The following HYDIN variants were observed in gnomAD, a reference collection of about 807,000 sequenced individuals.
HYDIN encodes the protein HYDIN axonemal central pair apparatus protein.
HYDIN carries 132 observed loss-of-function variants against 403.9 expected under a neutral mutation model. The ratio of observed to expected loss-of-function variants is 0.33; its 90% CI spans 0.28 to 0.38. The LOEUF is 0.38. HYDIN is among the 10% of genes least tolerant of loss of function. The pLI is 1.00. For synonymous variants in HYDIN, 1,202 were observed against 1,891.7 expected (o/e 0.64, Z 9.46); for missense variants, 2,827 against 5,009.5 (o/e 0.56, Z 13.15).
intron 23 of HYDIN, among the ~76,000 whole-genome samples, 162 bp from the exon 24 acceptor site, chr16:70,992,372 A>C (rs1438429895): frequency 2.9e-5 from 4 of 136,458 alleles, no homozygotes; most frequent in Non-Finnish European, 4.6e-5. Context: ...GCCTTCTTCA[A>C]ATCTCAGCTA....
intron 21 of HYDIN, among the ~76,000 whole-genome samples, chr16:71,021,005 GT>G (rs1275700586): frequency 2.0e-5 from 3 of 150,860 alleles, no homozygotes; most frequent in African/African-American, 7.3e-5. Flanking sequence ...TAAAAAGTTA[GT>G]TATATCTTAT....
rs930649993 is a variant in HYDIN at position 70,907,067 on chromosome 16, T to C, written c.8516+305A>G. 3.9e-5 allele frequency among the ~76,000 whole-genome samples: 6 copies of C among 152,142 alleles called. No individual in the cohort carries two copies. The South Asian group carries it at 1.0e-3, about 26-fold the overall frequency. ...GCTGTATAACCTATTCTCTGCTTCA[T>C]GTAACTACAGAAATATCTTCCCAGC... is the stretch of plus-strand genomic sequence containing the variant. On this transcript the variant is annotated intron_variant, in intron 50 of 85. Coordinates refer to ENST00000393567, the MANE Select transcript of HYDIN (RefSeq NM_001270974.2).
At chr16:70,887,934 CG>C (rs2041240780) in intron 58 of HYDIN, among the ~76,000 whole-genome samples, 1 of 152,324 alleles carries the variant, frequency 6.6e-6, no homozygotes, top group East Asian at 1.9e-4. Flanking sequence ...CCGCTTGCCT[CG>C]GCCTCCCAAA....
chr16:70,812,727 G>A (rs2035585511), intron 84 of HYDIN, among the ~76,000 whole-genome samples: 1 of 152,148 alleles, frequency 6.6e-6, no homozygotes, highest in Non-Finnish European at 1.5e-5. Flanking sequence ...TTAAATAAGT[G>A]GAGATTTGCT....
intron 23 of HYDIN, among the ~76,000 whole-genome samples, chr16:70,995,158 T>C (rs1567965900): frequency 6.6e-6 from 1 of 152,166 alleles, no homozygotes; most frequent in Non-Finnish European, 1.5e-5. Flanking sequence ...GGACTTTACG[T>C]TATTAAAACC....
intron 8 of HYDIN, among the ~76,000 whole-genome samples, chr16:71,134,367 G>T (rs1568206783): frequency 6.6e-6 from 1 of 152,108 alleles, no homozygotes; most frequent in Admixed American, 6.5e-5. Context: ...AACTATAGAG[G>T]TTGCTGAAGG....
At chr16:71,033,760 T>C (rs2080995384) in intron 18 of HYDIN, among the ~76,000 whole-genome samples, 1 of 152,118 alleles carries the variant, frequency 6.6e-6, no homozygotes, top group African/African-American at 2.4e-5. Context: ...AACCTGCACA[T>C]CCTGCACAAG....
intron 7 of HYDIN, among the ~76,000 whole-genome samples, chr16:71,144,893 T>C (rs564288162): frequency 1.7e-4 from 26 of 151,734 alleles, no homozygotes; most frequent in Non-Finnish European, 3.4e-4. Flanking sequence ...AAAAGACTCA[T>C]CAACAGCCCA....
chr16:71,162,813 C>A (rs1184219209), intron 5 of HYDIN, 83 bp from the exon 6 acceptor site: 10 of 584,850 alleles, frequency 1.7e-5, no homozygotes, highest in Non-Finnish European at 2.1e-5. Context: ...CGATGAGAGG[C>A]ATTTTGCAAA....
chr16:70,989,245 C>T (rs1388122773), intron 25 of HYDIN, among the ~76,000 whole-genome samples: 1 of 152,006 alleles, frequency 6.6e-6, no homozygotes, highest in East Asian at 1.9e-4. Flanking sequence ...CGTTATGTTG[C>T]CCAGGCTGGT....
chr16:70,845,959 T>G (rs1213701740), intron 75 of HYDIN, among the ~76,000 whole-genome samples: 1 of 151,354 alleles, frequency 6.6e-6, no homozygotes, highest in African/African-American at 2.4e-5. Flanking sequence ...TTGCTAGCGG[T>G]CTATCAGTTT....
chr16:71,186,283 G>A (rs907552301), intron 2 of HYDIN, among the ~76,000 whole-genome samples: 1 of 151,974 alleles, frequency 6.6e-6, no homozygotes, highest in Non-Finnish European at 1.5e-5. Context: ...CTATAAATAT[G>A]TTTTATTTTA....
chr16:71,107,999 G>A (rs2083679939), intron 10 of HYDIN, among the ~76,000 whole-genome samples: 1 of 152,146 alleles, frequency 6.6e-6, no homozygotes, highest in African/African-American at 2.4e-5. Flanking sequence ...AAAAAAGAAT[G>A]AGATCATGTC....
chr16:71,229,738 G>A (rs1421812584), intron 1 of HYDIN, among the ~76,000 whole-genome samples: 1 of 152,244 alleles, frequency 6.6e-6, no homozygotes, highest in Non-Finnish European at 1.5e-5. Context: ...TGGGCTGGAA[G>A]TGGGGAAGGG....
At chr16:70,811,331 G>A (rs1276968847) in intron 84 of HYDIN, 2 of 153,340 alleles carry the variant, frequency 1.3e-5, no homozygotes, top group Non-Finnish European at 2.9e-5. Flanking sequence ...TAGCTACTCA[G>A]GAGGCTGAGG....
chr16:71,053,303 G>A (rs528052101), intron 18 of HYDIN, among the ~76,000 whole-genome samples: 2 of 152,268 alleles, frequency 1.3e-5, no homozygotes, highest in Admixed American at 6.5e-5. Flanking sequence ...TATCTGAAGA[G>A]TCAACAAATT....
intron 23 of HYDIN, among the ~76,000 whole-genome samples, chr16:71,003,660 G>A (rs902359279): frequency 2.0e-5 from 3 of 151,792 alleles, no homozygotes; most frequent in Admixed American, 6.6e-5. Context: ...TTAGCTGGGC[G>A]TGGTGGCAGG....
rs1157625616 is a variant in HYDIN, at chr16:70,807,568, C to A, written c.*12G>T. ...CATAGCTTTTGGTTGATACAGGTAA[C>A]CCTGGTTACCACTAAAGGGTGATCC... On this transcript the variant is annotated 3_prime_UTR_variant, in exon 86 of 86. Transcript: ENST00000393567. The A allele has an allele frequency of 6.3e-6, 10 of 1,595,806 alleles. No individual in the cohort carries two copies. Among genetic ancestry groups the A allele is most frequent in the Admixed American group, 1.7e-5 (1 of 58,822 alleles).
chr16:71,031,199 CAAAAAAAAAAAA>C (rs376968331), intron 19 of HYDIN, among the ~76,000 whole-genome samples: 1 of 25,172 alleles, frequency 4.0e-5, no homozygotes, highest in Non-Finnish European at 8.2e-5. Flanking sequence ...GACTCCATCT[CAAAAAAAAAAAA>C]AAAAAAAAAA....
Sources: gnomAD v4.1 joint callset for allele counts (sites outside exome capture counted in the v4.1 genomes callset) on GRCh38, gnomAD v4.1.1 for gene constraint, MANE v1.5 for transcripts, NCBI Gene and HGNC (gene_info 2026-07-23, HGNC 2026-07-21) for gene names.